The following CADM2 variants were observed in gnomAD, a reference collection of about 807,000 sequenced individuals.
The protein encoded by CADM2 is immunoglobulin superfamily member 4D.
Under a neutral mutation model 49.8 loss-of-function variants are expected in CADM2, and 12 were observed. The ratio of observed to expected loss-of-function variants is 0.24; its 90% CI spans 0.15 to 0.39. The LOEUF (loss-of-function observed/expected upper bound fraction) is 0.39. Ranked by LOEUF, CADM2 falls within the 10% of genes least tolerant of loss-of-function variation. The probability of loss-of-function intolerance (pLI) is 1.00; values close to 1 mark genes in which losing one functional copy is unlikely to be tolerated. For missense variants in CADM2, 378 were observed against 492.3 expected (o/e 0.77, Z 2.20); for synonymous variants, 214 against 175.4 (o/e 1.22, Z -1.74).
intron 1 of CADM2, among the ~76,000 whole-genome samples, chr3:85,567,088 C>G (rs534354684): frequency 2.0e-5 from 3 of 152,298 alleles, no homozygotes; most frequent in East Asian, 1.9e-4. Context: ...CTCTGAGCTT[C>G]AATTTCTGTA....
At chr3:86,017,166 GTGTATA>G (rs1020648402) in intron 8 of CADM2, among the ~76,000 whole-genome samples, 2 of 105,116 alleles carry the variant, frequency 1.9e-5, no homozygotes, top group African/African-American at 1.3e-4. Flanking sequence ...GTGTGTGTGT[GTGTATA>G]TATATATATA....
chr3:85,954,956 A>G (rs555090417), intron 7 of CADM2, among the ~76,000 whole-genome samples: 1 of 151,352 alleles, frequency 6.6e-6, no homozygotes, highest in African/African-American at 2.4e-5. Context: ...AGTTTTTAAA[A>G]AACTCCCTGG....
intron 1 of CADM2, among the ~76,000 whole-genome samples, chr3:85,152,548 G>A (rs2039958122): frequency 6.6e-6 from 1 of 152,050 alleles, no homozygotes; most frequent in Non-Finnish European, 1.5e-5. Flanking sequence ...GTGGAGTTGG[G>A]GGTCATATCC....
chr3:85,999,578 G>C (rs1189417478), intron 8 of CADM2, among the ~76,000 whole-genome samples: 1 of 144,182 alleles, frequency 6.9e-6, no homozygotes, highest in Non-Finnish European at 1.5e-5. Flanking sequence ...AGGAAGGAAG[G>C]AAGGGAGGGA....
intron 3 of CADM2, among the ~76,000 whole-genome samples, chr3:85,849,827 A>G (rs1324101483): frequency 1.3e-5 from 2 of 152,178 alleles, no homozygotes; most frequent in African/African-American, 4.8e-5. Context: ...AGTACAATGA[A>G]TAAATTAGAT....
chr3:85,400,317 T>G (rs2107436380), intron 1 of CADM2, among the ~76,000 whole-genome samples: 1 of 152,314 alleles, frequency 6.6e-6, no homozygotes, highest in East Asian at 1.9e-4. Context: ...TCATGGTGGA[T>G]AAGCTCTTTA....
At chr3:85,154,408 G>A (rs1403406838) in intron 1 of CADM2, among the ~76,000 whole-genome samples, 1 of 152,082 alleles carries the variant, frequency 6.6e-6, no homozygotes, top group African/African-American at 2.4e-5. Flanking sequence ...AAAAAGAAAC[G>A]AGCAAAGCCT....
At chr3:85,961,307 C>A (rs1049611534) in intron 7 of CADM2, among the ~76,000 whole-genome samples, 162 bp from the exon 8 acceptor site, 4 of 151,772 alleles carry the variant, frequency 2.6e-5, no homozygotes, top group Non-Finnish European at 5.9e-5. Context: ...ATACCTCCGA[C>A]TCTTTTGAGT....
intron 1 of CADM2, among the ~76,000 whole-genome samples, chr3:84,986,182 G>T (rs553066781): frequency 6.6e-6 from 1 of 152,160 alleles, no homozygotes; most frequent in Non-Finnish European, 1.5e-5. Context: ...AGTGAACTGG[G>T]TTTTAACTTT....
chr3:84,992,427 G>A (rs112857003), intron 1 of CADM2, among the ~76,000 whole-genome samples: 32 of 151,886 alleles, frequency 2.1e-4, no homozygotes, highest in African/African-American at 6.5e-4. Context: ...TCAAGAGATC[G>A]TGACCATCCT....
intron 1 of CADM2, among the ~76,000 whole-genome samples, chr3:85,062,112 A>G (rs112747282): frequency 1.1e-4 from 16 of 150,854 alleles, no homozygotes; most frequent in African/African-American, 3.6e-4. Context: ...ACAAACACAC[A>G]CACGGAAACT....
At chr3:84,982,709 A>ATATATATG (rs2032264093) in intron 1 of CADM2, among the ~76,000 whole-genome samples, 2 of 91,672 alleles carry the variant, frequency 2.2e-5, no homozygotes, top group East Asian at 3.0e-4. Flanking sequence ...AAGCATATAT[A>ATATATATG]TATATATATA....
At chr3:85,824,861 T>A (rs1003959999) in intron 3 of CADM2, among the ~76,000 whole-genome samples, 1 of 151,972 alleles carries the variant, frequency 6.6e-6, no homozygotes, top group African/African-American at 2.4e-5. Context: ...CTAAAATTTT[T>A]AAATTTATAT....
chr3:85,771,483 A>G (rs2070082466), intron 2 of CADM2, among the ~76,000 whole-genome samples: 1 of 152,202 alleles, frequency 6.6e-6, no homozygotes, highest in Non-Finnish European at 1.5e-5. Flanking sequence ...CAAAATATAT[A>G]TCTCCCTGAT....
At position 86,068,355 on chromosome 3, in the gene CADM2, A is replaced by G. The variant is rs1739548482; in HGVS notation, c.*1572A>G. ...TAGATTAGTTCTCATTAAATTTATT[A>G]TATGCTAAAGAATAAAACTCCAGTT... On this transcript the variant is annotated 3_prime_UTR_variant, in exon 10 of 10. Coordinates refer to ENST00000383699, the MANE Select transcript of CADM2 (RefSeq NM_001167675.2). 6.6e-6 allele frequency: 1 copy of G among 152,008 alleles called. No homozygotes were observed. Among genetic ancestry groups the G allele is most frequent in the Admixed American group, 6.6e-5 (1 of 15,240 alleles). 9.4% of individuals were successfully genotyped at this position (152,008 alleles called of 1,614,324 possible).
chr3:85,835,754 T>TATATA (rs1474384302), intron 3 of CADM2, among the ~76,000 whole-genome samples: 1 of 125,636 alleles, frequency 8.0e-6, no homozygotes, highest in Non-Finnish European at 1.7e-5. Flanking sequence ...ATGTATATAA[T>TATATA]ATATAATATA....
At chr3:85,107,703 C>CTT (rs60535953) in intron 1 of CADM2, among the ~76,000 whole-genome samples, 1,291 of 95,220 alleles carry the variant, frequency 0.014, 11 homozygotes, top group Non-Finnish European at 0.02. Context: ...CTTTCTCTTT[C>CTT]TTTTTTTTTT....
At chr3:85,456,312 C>T (rs747530400) in intron 1 of CADM2, among the ~76,000 whole-genome samples, 1 of 152,036 alleles carries the variant, frequency 6.6e-6, no homozygotes, top group East Asian at 1.9e-4. Context: ...GAGCTCTGAC[C>T]CTGTATCTAC....
At chr3:85,174,337 T>C (rs184681688) in intron 1 of CADM2, among the ~76,000 whole-genome samples, 1 of 152,208 alleles carries the variant, frequency 6.6e-6, no homozygotes, top group East Asian at 1.9e-4. Flanking sequence ...TGTTATGTCC[T>C]TTTGTTTGTT....
Sources: gnomAD v4.1 joint callset for allele counts (sites outside exome capture counted in the v4.1 genomes callset) on GRCh38, gnomAD v4.1.1 for gene constraint, MANE v1.5 for transcripts, NCBI Gene and HGNC (gene_info 2026-07-23, HGNC 2026-07-21) for gene names.